The following ZFHX3 variants were observed in gnomAD, a reference collection of about 807,000 sequenced individuals.
ZFHX3 encodes the protein zinc finger homeobox 3, also known as zinc finger homeobox protein 3.
A neutral mutation model predicts 279.1 loss-of-function variants in ZFHX3; 42 were observed. The ratio of observed to expected loss-of-function variants is 0.15; its 90% CI spans 0.12 to 0.19. The LOEUF is 0.19. ZFHX3 is among the 10% of genes least tolerant of loss of function. The pLI, the probability that ZFHX3 is intolerant of heterozygous loss-of-function variation, is 1.00. For missense variants in ZFHX3, 4,981 were observed against 4,754.0 expected (o/e 1.05, Z -1.40); for synonymous variants, 2,293 against 1,957.8 (o/e 1.17, Z -4.52).
intron 2 of ZFHX3, among the ~76,000 whole-genome samples, chr16:73,508,292 A>G (rs1357723811): frequency 6.6e-6 from 1 of 152,232 alleles, no homozygotes; most frequent in Admixed American, 6.5e-5. Context: ...AAATAAAGTT[A>G]GATCCAGTAT....
At chr16:73,889,060 C>T (rs1363774589) in intron 1 of ZFHX3, among the ~76,000 whole-genome samples, 1 of 152,184 alleles carries the variant, frequency 6.6e-6, no homozygotes, top group Non-Finnish European at 1.5e-5. Flanking sequence ...CACAGGCCCA[C>T]TGATTTGTAG....
At chr16:73,216,676 T>C (rs1307436922) in intron 5 of ZFHX3, among the ~76,000 whole-genome samples, 2 of 151,862 alleles carry the variant, frequency 1.3e-5, no homozygotes, top group Non-Finnish European at 2.9e-5. Context: ...GGCGAGAGAA[T>C]GGCCTGAACT....
At chr16:73,746,182 G>A (rs964289682) in intron 1 of ZFHX3, among the ~76,000 whole-genome samples, 10 of 152,044 alleles carry the variant, frequency 6.6e-5, no homozygotes, top group African/African-American at 2.2e-4. Flanking sequence ...CAATCCTGCC[G>A]CTGTTGCTCC....
intron 3 of ZFHX3, among the ~76,000 whole-genome samples, chr16:73,364,151 C>T (rs191958000): frequency 4.8e-5 from 7 of 146,706 alleles, no homozygotes; most frequent in South Asian, 2.2e-4. Context: ...CTAGCCTGGG[C>T]GATGAGTGAG....
At chr16:72,808,817 T>C (rs2036350709) in intron 7 of ZFHX3, among the ~76,000 whole-genome samples, 1 of 152,244 alleles carries the variant, frequency 6.6e-6, no homozygotes, top group African/African-American at 2.4e-5. Flanking sequence ...CCTGGCATTG[T>C]ACACACAATT....
At chr16:73,619,518 A>ATATATATG (rs1198797728) in intron 2 of ZFHX3, among the ~76,000 whole-genome samples, 105 of 150,018 alleles carry the variant, frequency 7.0e-4, no homozygotes, top group African/African-American at 2.4e-3. Context: ...ATATATATAT[A>ATATATATG]TGTCTGTAAG....
intron 3 of ZFHX3, among the ~76,000 whole-genome samples, chr16:72,895,787 G>A (rs149274199): frequency 4.5e-4 from 69 of 152,266 alleles, no homozygotes; most frequent in African/African-American, 1.6e-3. Context: ...TCACACCAGC[G>A]TACTCCACCC....
chr16:73,743,944 C>T (rs1309159442), intron 1 of ZFHX3, among the ~76,000 whole-genome samples: 2 of 152,122 alleles, frequency 1.3e-5, no homozygotes, highest in East Asian at 3.9e-4. Context: ...AAAGCTGAGT[C>T]ATTAAGGATC....
chr16:73,003,350 C>A (rs1163888017), intron 1 of ZFHX3, among the ~76,000 whole-genome samples: 1 of 151,492 alleles, frequency 6.6e-6, no homozygotes, highest in East Asian at 1.9e-4. Context: ...ACAAAGACTC[C>A]GCCCTTGTGA....
intron 5 of ZFHX3, among the ~76,000 whole-genome samples, chr16:73,203,830 G>A (rs540690856): frequency 6.6e-5 from 10 of 152,272 alleles, no homozygotes; most frequent in Middle Eastern, 6.8e-3. Flanking sequence ...ACTCCCATTT[G>A]AGCCAGTGAC....
intron 8 of ZFHX3, among the ~76,000 whole-genome samples, chr16:73,068,194 A>G (rs1344536236): frequency 1.3e-5 from 2 of 152,196 alleles, no homozygotes; most frequent in African/African-American, 4.8e-5. Context: ...AAGGTCACAC[A>G]GCTATTAAGT....
intron 2 of ZFHX3, among the ~76,000 whole-genome samples, chr16:73,666,691 G>A (rs555059987): frequency 6.6e-6 from 1 of 151,792 alleles, no homozygotes; most frequent in South Asian, 2.1e-4. Context: ...CAAATGCACA[G>A]TCATGCCACC....
chr16:73,242,108 G>A (rs182490483), intron 5 of ZFHX3, among the ~76,000 whole-genome samples: 64 of 152,244 alleles, frequency 4.2e-4, no homozygotes, highest in Middle Eastern at 3.4e-3. Context: ...CTGACTTTTT[G>A]GGCATATTCA....
chr16:73,017,283 G>T lies in ZFHX3; in HGVS notation c.-50+30469C>A, dbSNP rs1964136720. On this transcript the variant is annotated intron_variant, in intron 1 of 9. Transcript: ENST00000268489. Reference sequence around the variant, plus strand: ...ATATCAAAGGCTGAGTGGGCAATTTGAATGTGTTCCCAAGACGTGATGGGA... The same window carrying T: ...ATATCAAAGGCTGAGTGGGCAATTTTAATGTGTTCCCAAGACGTGATGGGA... Among the ~76,000 whole-genome samples the T allele has an allele frequency of 2.0e-5, 3 of 151,610 alleles. No homozygotes were observed. The South Asian group carries it at 6.3e-4, about 32-fold the overall frequency.
At chr16:72,829,504 C>T (rs2037015383) in intron 5 of ZFHX3, 5 of 422,816 alleles carry the variant, frequency 1.2e-5, no homozygotes, top group South Asian at 5.2e-5. Flanking sequence ...CACAGCTTGG[C>T]ACTTACCTGG....
At chr16:73,500,814 GAAAA>G (rs2019226618) in intron 2 of ZFHX3, among the ~76,000 whole-genome samples, 2 of 151,744 alleles carry the variant, frequency 1.3e-5, no homozygotes, top group African/African-American at 4.8e-5. Context: ...GTTTATAAAG[GAAAA>G]AAGTTATAGT....
Position 72,797,599 on chromosome 16 carries a change from T to G in ZFHX3, c.5083A>C (p.Asn1695His). 6.2e-7 allele frequency: 1 copy of G among 1,614,044 alleles called. No homozygotes were observed. The highest frequency in any genetic ancestry group is 8.5e-7 in the Non-Finnish European group (1 of 1,180,002). ...TESVGMPPLG[N>H]PIGANIASPS... ...GAAGCAATGTTGGCACCAATAGGAT[T>G]CCCCAGGGGTGGCATCCCTACACTC... The change falls in exon 9 of 10, where the codon AAT becomes CAT. Residue 1695 changes from asparagine (N) to histidine (H), a missense_variant. This residue lies in a region of ZFHX3 where 1,751 missense variants were observed against 1,770.0 expected (regional missense o/e 0.99). Transcript: ENST00000268489.
chr16:73,047,044 CTATCA>C (rs751497111), intron 1 of ZFHX3, among the ~76,000 whole-genome samples: 1 of 152,244 alleles, frequency 6.6e-6, no homozygotes, highest in Non-Finnish European at 1.5e-5. Flanking sequence ...AGGCCTTTTC[CTATCA>C]TAACACAGGT....
At chr16:73,301,326 C>A (rs899583085) in intron 4 of ZFHX3, among the ~76,000 whole-genome samples, 1 of 152,134 alleles carries the variant, frequency 6.6e-6, no homozygotes, top group Non-Finnish European at 1.5e-5. Flanking sequence ...AAGTGTGGAG[C>A]AAATAGGACA....
Sources: allele counts gnomAD v4.1 joint callset (sites outside exome capture counted in the v4.1 genomes callset), GRCh38; gene constraint gnomAD v4.1.1; regional missense constraint gnomAD v4.1.1; transcripts MANE v1.5; gene names NCBI Gene and HGNC (gene_info 2026-07-23, HGNC 2026-07-21).